Variants in ABCA2 observed in about 807,000 individuals in gnomAD.
ABCA2 encodes ATP binding cassette subfamily A member 2.
In ABCA2, 84 loss-of-function variants were observed where a neutral mutation model predicts 262.8. That is an observed-to-expected ratio of 0.32 (90% CI 0.27 to 0.38). The LOEUF is 0.38. Ranked by LOEUF, ABCA2 falls within the 10% of genes least tolerant of loss-of-function variation. ABCA2 has a pLI of 1.00. For synonymous variants in ABCA2, 1,696 were observed against 1,502.9 expected, an observed-to-expected ratio of 1.13 and a Z score of -2.97; for missense variants, 2,662 against 3,405.9, an observed-to-expected ratio of 0.78 and a Z score of 5.44.
chr9:137,026,092 TC>T (rs1831644342), intron 1 of ABCA2, among the ~76,000 whole-genome samples: 1 of 152,176 alleles, frequency 6.6e-6, no homozygotes, highest in African/African-American at 2.4e-5. Context: ...CCATCTGCCA[TC>T]CCAGTGACTT....
chr9:137,025,014 G>T (rs1264945236), intron 1 of ABCA2, among the ~76,000 whole-genome samples: 1 of 152,142 alleles, frequency 6.6e-6, no homozygotes, highest in East Asian at 1.9e-4. Context: ...TAGCCAGGAT[G>T]GTGTCGATCT....
chr9:137,011,180 C>T lies in ABCA2; in HGVS notation c.5923+6G>A, dbSNP rs776620908. 6.2e-7 allele frequency: 1 copy of T among 1,612,546 alleles called. No homozygotes were observed. The highest frequency in any genetic ancestry group is 1.1e-5 in the South Asian group (1 of 91,086). ...ACCGCCTTCCCCGCCCCACGGGCCC[C>T]CTCACCAATCTTGGCGTAGTACTCG... is the stretch of plus-strand genomic sequence containing the variant. On this transcript the variant is annotated splice_donor_region_variant and intron_variant, in intron 38 of 48. Transcript: ENST00000341511. This position sits in a 1 kb window ranked among gnomAD's most constrained non-coding sequence, Gnocchi z 8.8.
At chr9:137,020,157 T>TA (rs71492146) in intron 10 of ABCA2, 179 bp downstream of exon 10, 1 of 739,492 alleles carries the variant, frequency 1.4e-6, no homozygotes, top group Non-Finnish European at 2.1e-6. Context: ...CCCCTGGAGC[T>TA]CCCGAAAGGA....
chr9:137,028,354 G>C (rs912708587), upstream of ABCA2: 89 of 836,616 alleles, frequency 1.1e-4, no homozygotes, highest in Non-Finnish European at 1.2e-4. The surrounding 1 kb of genome is among the most constrained non-coding windows in gnomAD (Gnocchi z 6.9). Flanking sequence ...GCCGCGCTCC[G>C]TCCGCGCCCG....
intron 3 of ABCA2, chr9:137,023,511 GC>G (rs1831549635): frequency 2.7e-6 from 2 of 746,298 alleles, no homozygotes; most frequent in Admixed American, 1.7e-5. Flanking sequence ...GGCCGCTCCA[GC>G]CCCAGCCCAG....
At position 137,007,688 on chromosome 9, in the gene ABCA2, A is replaced by G. The variant is rs1830881641; in HGVS notation, c.*241T>C. On this transcript the variant is annotated 3_prime_UTR_variant, in exon 49 of 49. Transcript: ENST00000341511. ...GGGCAGACCCCGAGGCTTTAAGGCA[A>G]AGCAGGGCAAGGGTGTACGCAGCCC... is the stretch of plus-strand genomic sequence containing the variant. The G allele has an allele frequency of 1.7e-6, 1 of 596,778 alleles. No individual in the cohort carries two copies. 37.0% of individuals were successfully genotyped at this position (596,778 alleles called of 1,614,324 possible).
In ABCA2 at chr9:137,013,200, A is replaced by G; in HGVS notation, c.4669T>C (p.Leu1557=). ...CGCGACTCCCCGCTGCTCAGGTTCA[A>G]CGTGGGCCCCAGCGAGCCGTTGGCG... The part of the protein sequence containing the change: ...SPANGSLGPT[L]NLSSGESRLL... The change falls in exon 30 of 49, where the codon TTG becomes CTG. Residue 1557 remains leucine (L), a synonymous_variant. Coordinates refer to ENST00000341511, the MANE Select transcript of ABCA2 (RefSeq NM_001606.5). 2 of 1,601,468 alleles carry G rather than the reference A, an allele frequency of 1.2e-6. No homozygotes were observed. Among genetic ancestry groups the G allele is most frequent in the South Asian group, 1.1e-5 (1 of 89,726 alleles).
In ABCA2 at chr9:137,014,947, G is replaced by A. The variant is rs759296749; in HGVS notation, c.3848C>T (p.Ala1283Val). ...GCGCTCGAAAGCCCCCTTCTTGGCG[G>A]CCTCGCTGGGCAGGATGTAGGAGAG... ...TELSYILPSE[A>V]AKKGAFERLF... The change falls in exon 25 of 49, where the codon GCC (alanine) becomes GTC (valine). Residue 1283 changes from alanine to valine, a missense_variant. Ala to Val is a moderately conservative substitution (Grantham distance 64). This residue lies in a region of ABCA2 where 297 missense variants were observed against 286.5 expected (regional missense o/e 1.04). Coordinates refer to ENST00000341511, the MANE Select transcript of ABCA2 (RefSeq NM_001606.5). 1.0e-5 allele frequency: 16 copies of A among 1,564,952 alleles called. No homozygotes were observed. The highest frequency in any genetic ancestry group is 2.4e-5 in the South Asian group (2 of 83,976).
chr9:137,012,846 G>T lies in ABCA2; in HGVS notation c.4947C>A (p.Gly1649=). The T allele has an allele frequency of 1.2e-6, 2 of 1,609,580 alleles. No homozygotes were observed. Among genetic ancestry groups the T allele is most frequent in the Non-Finnish European group, 1.7e-6 (2 of 1,178,438 alleles). The change falls in exon 31 of 49, where the codon GGC becomes GGA. Residue 1649 remains glycine, a synonymous_variant. Transcript: ENST00000341511. ...CGCCCACACTGCTGGGGCAGGAGAA[G>T]CCGGTGCCCTGCGCAGAGCAGGTGC... ...VRCTCSAQGT[G]FSCPSSVGGH...
chr9:137,017,758 G>A (rs201941630), intron 16 of ABCA2, 29 bp downstream of exon 16: 131 of 1,610,482 alleles, frequency 8.1e-5, no homozygotes, highest in Admixed American at 4.3e-4. Flanking sequence ...GCCAGCCCGC[G>A]CCTCCAGGGA....
rs773192534 is a variant in ABCA2 at position 137,009,809 on chromosome 9, G to A, written c.6590C>T (p.Thr2197Met). Residue 2197 changes from threonine (T) to methionine (M), a missense_variant, in exon 43 of 49, where the codon ACG becomes ATG. By Grantham distance (81) the Thr-to-Met change is moderately conservative (BLOSUM62 -1). Transcript: ENST00000341511. Reference protein sequence around the residue: ...YSGGNKRKLSTAIALIGYPAF... With the variant: ...YSGGNKRKLSMAIALIGYPAF... ...TGGGTACCCAATGAGGGCGATGGCC[G>A]TGGAGAGCTTCCGCTTGTTGCCGCC... The A allele has an allele frequency of 4.3e-6, 7 of 1,612,346 alleles. No individual in the cohort carries two copies. The highest frequency in any genetic ancestry group is 1.7e-5 in the Admixed American group (1 of 59,948).
chr9:137,018,492 GT>G, intron 13 of ABCA2, 141 bp from the exon 14 acceptor site: 1 of 678,078 alleles, frequency 1.5e-6, no homozygotes, highest in South Asian at 1.9e-5. Flanking sequence ...CAGGGCTGGG[GT>G]GGGGGCCCCA....
chr9:137,023,079 G>A (rs1476197056), intron 3 of ABCA2, 27 bp from the exon 4 acceptor site: 2 of 1,537,330 alleles, frequency 1.3e-6, no homozygotes, highest in East Asian at 2.4e-5. Flanking sequence ...AGAGGGCAGG[G>A]TCGGGGGTGA....
upstream of ABCA2, chr9:137,028,719 G>T (rs780395695): frequency 7.9e-7 from 1 of 1,260,656 alleles, no homozygotes; most frequent in Non-Finnish European, 1.0e-6. This position sits in a 1 kb window ranked among gnomAD's most constrained non-coding sequence, Gnocchi z 6.9. Context: ...GTGCCCACCT[G>T]GAAGGGAGGC....
intron 5 of ABCA2, 95 bp from the exon 6 acceptor site, chr9:137,022,573 C>T: frequency 6.4e-7 from 1 of 1,562,966 alleles, no homozygotes; most frequent in Admixed American, 1.9e-5. Flanking sequence ...ACAGCTCTGC[C>T]ACTGCAGCCT....
In ABCA2 at chr9:137,017,804, C is replaced by T. The variant is rs1831314687; in HGVS notation, c.2194G>A (p.Glu732Lys). The T allele has an allele frequency of 1.2e-6, 2 of 1,612,400 alleles. No homozygotes were observed. The highest frequency in any genetic ancestry group is 1.3e-5 in the African/African-American group (1 of 74,936). Residue 732 changes from glutamate (E) to lysine (K), a missense_variant, in exon 16 of 49, where the codon GAG becomes AAG. Glu to Lys is a moderately conservative substitution (Grantham distance 56). Transcript: ENST00000341511. ...CCGCGCACCTCCTTGAGCCGGTGCT[C>T]CTTCTCCGCCACGATGTGCTGGATG... ...MTIQHIVAEK[E>K]HRLKEVMKTM... is the part of the protein sequence containing the mutation.
Position 137,011,791 on chromosome 9 carries a change from C to CCCGGGGGAGGGGG in ABCA2, c.5536-43_5536-42insCCCCCTCCCCCGG. ...GGCTGGTGAGAGACCCGGGGCAGGGCGGGGATGGGGGATGAGAAGGGCCGG... is the reference window on the plus strand; with the variant it reads ...GGCTGGTGAGAGACCCGGGGCAGGGCCCGGGGGAGGGGGGGGGATGGGGGATGAGAAGGGCCGG... On this transcript the variant is annotated intron_variant, in intron 35 of 48. Coordinates refer to ENST00000341511, the MANE Select transcript of ABCA2 (RefSeq NM_001606.5). The surrounding 1 kb of genome is among the most constrained non-coding windows in gnomAD (Gnocchi z 8.8). The CCCGGGGGAGGGGG allele has an allele frequency of 1.1e-6, 1 of 947,560 alleles. No individual in the cohort carries two copies. The highest frequency in any genetic ancestry group is 2.6e-5 in the Admixed American group (1 of 38,924). 58.7% of individuals were successfully genotyped at this position (947,560 alleles called of 1,614,324 possible).
At chr9:137,022,915 G>GGGGGGC in intron 4 of ABCA2, 26 bp downstream of exon 4, 1 of 1,412,514 alleles carries the variant, frequency 7.1e-7, no homozygotes, top group Non-Finnish European at 9.8e-7. Context: ...AGGGGTGGGT[G>GGGGGGC]CTCCGAGGGG....
rs764328202 is a variant in ABCA2, at chr9:137,019,023, C to T, written c.1602G>A (p.Leu534=). 1.1e-5 allele frequency: 18 copies of T among 1,612,674 alleles called. No homozygotes were observed. The East Asian group carries it at 2.9e-4, about 26-fold the overall frequency. Reference sequence around the variant, plus strand: ...GTCTCAGGGCCGGCGGCAGCTCATCCAGTGACAGGTTCAGTGCCTCGGGGT... The same window carrying T: ...GTCTCAGGGCCGGCGGCAGCTCATCTAGTGACAGGTTCAGTGCCTCGGGGT... ...RLHPEALNLS[L]DELPPALRQD... The change falls in exon 12 of 49, where the codon CTG becomes CTA. Residue 534 remains leucine (L), a synonymous_variant. Coordinates refer to ENST00000341511, the MANE Select transcript of ABCA2 (RefSeq NM_001606.5). The surrounding 1 kb of genome is among the most constrained non-coding windows in gnomAD (Gnocchi z 4.4).
Sources: allele counts gnomAD v4.1 joint callset (sites outside exome capture counted in the v4.1 genomes callset), GRCh38; gene constraint gnomAD v4.1.1; regional missense constraint gnomAD v4.1.1; non-coding constraint Gnocchi (gnomAD v3.1); transcripts MANE v1.5; gene names NCBI Gene and HGNC (gene_info 2026-07-23, HGNC 2026-07-21).